The following ARHGEF19 variants were observed in gnomAD, a reference collection of about 807,000 sequenced individuals.
ARHGEF19 encodes the protein Rho guanine nucleotide exchange factor (GEF) 19.
A neutral mutation model predicts 87.6 loss-of-function variants in ARHGEF19; 92 were observed. That is an observed-to-expected ratio of 1.05 (90% confidence interval 0.89 to 1.25). The LOEUF is 1.25. ARHGEF19 is among the 50% of genes most tolerant of loss of function. The probability of loss-of-function intolerance (pLI) is 0.00; values close to 1 mark genes in which losing one functional copy is unlikely to be tolerated. For synonymous variants in ARHGEF19, 438 were observed against 446.2 expected (o/e 0.98, Z 0.23); for missense variants, 1,054 against 1,051.8 (o/e 1.00, Z -0.03).
Position 16,209,102 on chromosome 1 carries a change from C to T in ARHGEF19, c.-29-19G>A, listed in dbSNP as rs769146608. The stretch of plus-strand genomic sequence containing the variant: ...CCTGGCCCTGCAGAAGAGAAGATAT[C>T]AGACCTAGACAGAGGACAGTGGGGC... On this transcript the variant is annotated intron_variant, in intron 1 of 15. Transcript: ENST00000270747. 7.1e-7 allele frequency: 1 copy of T among 1,407,320 alleles called. No homozygotes were observed. Among genetic ancestry groups the T allele is most frequent in the Non-Finnish European group, 9.2e-7 (1 of 1,083,058 alleles). 87.2% of individuals were successfully genotyped at this position (1,407,320 alleles called of 1,614,324 possible). A position where few individuals can be genotyped will look rare whatever the true frequency, so the allele number is the denominator to read the frequency against.
At position 16,208,864 on chromosome 1, in the gene ARHGEF19, C is replaced by T. The variant is rs763288455; in HGVS notation, c.191G>A (p.Arg64His). 46 of 1,604,152 alleles carry T rather than the reference C, an allele frequency of 2.9e-5. No homozygotes were observed. Among genetic ancestry groups the T allele is most frequent in the Middle Eastern group, 3.3e-4 (2 of 6,026 alleles). The change falls in exon 2 of 16, where the codon CGC becomes CAC. Residue 64 changes from arginine to histidine, a missense_variant. Arg to His is a conservative substitution (Grantham distance 29). Transcript: ENST00000270747. ...AGGGGCAGGGGTCCCCAGGGACCAG[C>T]GGCTGCCAGGAGCCCGAAGCTCCTC... ...APEELRAPGS[R>H]WSLGTPAPLQ...
At chr1:16,209,200 A>T (rs2081175664) in intron 1 of ARHGEF19, 117 bp from the exon 2 acceptor site, 1 of 611,012 alleles carries the variant, frequency 1.6e-6, no homozygotes, top group Non-Finnish European at 2.5e-6. Flanking sequence ...ATCTCCACAA[A>T]CACACTCACA....
At chr1:16,201,696 CCAGCAA>C in intron 14 of ARHGEF19, 80 bp downstream of exon 14, 2 of 1,445,824 alleles carry the variant, frequency 1.4e-6, no homozygotes, top group Non-Finnish European at 1.9e-6. Context: ...CATAGCCCTG[CCAGCAA>C]CACAGCACCC....
intron 14 of ARHGEF19, among the ~76,000 whole-genome samples, chr1:16,200,635 T>C (rs1488998552): frequency 6.6e-6 from 1 of 152,132 alleles, no homozygotes; most frequent in Non-Finnish European, 1.5e-5. Context: ...TCCCAGCTAC[T>C]TGGGAGGCTG....
At position 16,205,671 on chromosome 1, in the gene ARHGEF19, G is replaced by A. The variant is rs2081124666; in HGVS notation, c.1452-4C>T. ...AGGGAACCTGGGGTTCTCCAGGCTG[G>A]AAAATGGGGAGGACTCTGGAATCAC... On this transcript the variant is annotated splice_region_variant and splice_polypyrimidine_tract_variant and intron_variant, in intron 8 of 15. Coordinates refer to ENST00000270747, the MANE Select transcript of ARHGEF19 (RefSeq NM_153213.5). This position sits in a 1 kb window ranked among gnomAD's most constrained non-coding sequence, Gnocchi z 5.8. 1 of 1,603,832 alleles carries A rather than the reference G, an allele frequency of 6.2e-7. No individual in the cohort carries two copies. The highest frequency in any genetic ancestry group is 8.5e-7 in the Non-Finnish European group (1 of 1,176,212).
chr1:16,201,785 C>T lies in ARHGEF19; in HGVS notation c.2143G>A (p.Glu715Lys). 6.2e-7 allele frequency: 1 copy of T among 1,613,586 alleles called. No homozygotes were observed. Residue 715 changes from glutamate to lysine, a missense_variant, in exon 14 of 16, where the codon GAA becomes AAA. Transcript: ENST00000270747. ...QEDKEVISEG[E>K]DCPQVQCVRT... Reference sequence around the variant, plus strand: ...AGCAGCAGGGATGAGCTACTACCTTCCCCCTCACTGATGACCTCCTTGTCC... The same window carrying T: ...AGCAGCAGGGATGAGCTACTACCTTTCCCCTCACTGATGACCTCCTTGTCC...
Position 16,208,676 on chromosome 1 carries a change from G to C in ARHGEF19, c.379C>G (p.Arg127Gly). The stretch of plus-strand genomic sequence containing the variant: ...TTCTTCTCCGAGCCGTGGCTGGCCC[G>C]GCGCTGTGGCTGTGTGTGTCGGGGA... Reference protein sequence around the residue: ...WSPRHTQPQRRASHGSEKKSA... With the variant: ...WSPRHTQPQRGASHGSEKKSA... The change falls in exon 2 of 16, where the codon CGG becomes GGG. Residue 127 changes from arginine to glycine, a missense_variant. Arg to Gly is a moderately radical substitution (Grantham distance 125). Coordinates refer to ENST00000270747, the MANE Select transcript of ARHGEF19 (RefSeq NM_153213.5). 4 of 1,606,842 alleles carry C rather than the reference G, an allele frequency of 2.5e-6. No homozygotes were observed. Among genetic ancestry groups the C allele is most frequent in the Non-Finnish European group, 3.4e-6 (4 of 1,177,816 alleles).
At position 16,204,876 on chromosome 1, in the gene ARHGEF19, C is replaced by G. The variant is rs1307079918; in HGVS notation, c.1790G>C (p.Gly597Ala). The change falls in exon 12 of 16, where the codon GGA becomes GCA. Residue 597 changes from glycine to alanine, a missense_variant. Gly to Ala is a moderately conservative substitution (Grantham distance 60, BLOSUM62 0). Coordinates refer to ENST00000270747, the MANE Select transcript of ARHGEF19 (RefSeq NM_153213.5). ...CAGTGGTGCCAGCTCTACCAACTCT[C>G]CATGCCGAACCAGCCAGCGGGCCTG... ...ISQARWLVRHGELVELAPLPA... is the reference protein window; with the variant it reads ...ISQARWLVRHAELVELAPLPA... 20 of 1,602,884 alleles carry G rather than the reference C, an allele frequency of 1.2e-5. No homozygotes were observed. Among genetic ancestry groups the G allele is most frequent in the Non-Finnish European group, 1.7e-5 (20 of 1,174,992 alleles).
At position 16,208,602 on chromosome 1, in the gene ARHGEF19, C is replaced by G. The variant is rs2081167529; in HGVS notation, c.412+41G>C. 1.9e-6 allele frequency: 3 copies of G among 1,553,664 alleles called. No individual in the cohort carries two copies. The African/African-American group carries it at 4.1e-5, about 21-fold the overall frequency. On this transcript the variant is annotated intron_variant, in intron 2 of 15. Transcript: ENST00000270747. ...GCTGCCCAGCCCCTCCCCTATCCCC[C>G]TGCCATGGCACCCACACCCGCCTTC...
At chr1:16,211,948 C>G (rs951910855) in intron 1 of ARHGEF19, among the ~76,000 whole-genome samples, 1 of 152,238 alleles carries the variant, frequency 6.6e-6, no homozygotes. Context: ...AGTGTTGACA[C>G]TGACCAGCTG....
intron 12 of ARHGEF19, 73 bp downstream of exon 12, chr1:16,204,686 C>T: frequency 6.7e-7 from 1 of 1,494,266 alleles, no homozygotes; most frequent in Non-Finnish European, 8.9e-7. Context: ...ATGGACTGGT[C>T]ATAAGCCCAG....
At chr1:16,209,603 C>A (rs960340125) in intron 1 of ARHGEF19, among the ~76,000 whole-genome samples, 9 of 152,348 alleles carry the variant, frequency 5.9e-5, no homozygotes, top group African/African-American at 1.7e-4. Flanking sequence ...CTCAGGCTCA[C>A]ACAGTCACAG....
Position 16,208,660 on chromosome 1 carries a change from G to C in ARHGEF19, c.395C>G (p.Ser132Trp), listed in dbSNP as rs759238415. 14 of 1,604,342 alleles carry C rather than the reference G, an allele frequency of 8.7e-6. No homozygotes were observed. The highest frequency in any genetic ancestry group is 1.0e-5 in the Non-Finnish European group (12 of 1,177,070). Residue 132 changes from serine (S) to tryptophan (W), a missense_variant, in exon 2 of 16, where the codon TCG becomes TGG. Ser to Trp is a radical substitution (Grantham distance 177, BLOSUM62 -3). Transcript: ENST00000270747. ...TGACTCACAGGCAGACTTCTTCTCCGAGCCGTGGCTGGCCCGGCGCTGTGG... is the reference window on the plus strand; with the variant it reads ...TGACTCACAGGCAGACTTCTTCTCCCAGCCGTGGCTGGCCCGGCGCTGTGG... ...TQPQRRASHG[S>W]EKKSAWRKMR...
At position 16,206,438 on chromosome 1, in the gene ARHGEF19, C is replaced by A. The variant is rs1316001359; in HGVS notation, c.1138-98G>T. On this transcript the variant is annotated intron_variant, in intron 6 of 15. Coordinates refer to ENST00000270747, the MANE Select transcript of ARHGEF19 (RefSeq NM_153213.5). The surrounding 1 kb of genome is among the most constrained non-coding windows in gnomAD (Gnocchi z 4.6). ...GACCCCAGGACGCCACACCTCGCGT[C>A]CTCGCCCCTTCTCTAGCCCCACTCC... is the stretch of plus-strand genomic sequence containing the variant. 15 of 1,370,048 alleles carry A rather than the reference C, an allele frequency of 1.1e-5. No individual in the cohort carries two copies. The highest frequency in any genetic ancestry group is 1.3e-5 in the Non-Finnish European group (13 of 984,144). The allele number at this position is 1,370,048 out of a possible 1,614,324, so 84.9% of individuals were successfully genotyped here.
chr1:16,202,703 G>C (rs946313396), intron 12 of ARHGEF19, 129 bp from the exon 13 acceptor site: 26 of 1,231,016 alleles, frequency 2.1e-5, no homozygotes, highest in Admixed American at 1.5e-4. Context: ...GTTCTCACAG[G>C]GTCCTGCTTC....
Position 16,207,943 on chromosome 1 carries a change from C to A in ARHGEF19, c.694+1G>T. 6.2e-7 allele frequency: 1 copy of A among 1,604,102 alleles called. No homozygotes were observed. Among genetic ancestry groups the A allele is most frequent in the East Asian group, 2.2e-5 (1 of 44,544 alleles). On this transcript the variant is annotated splice_donor_variant, in intron 3 of 15. Coordinates refer to ENST00000270747, the MANE Select transcript of ARHGEF19 (RefSeq NM_153213.5). LOFTEE classifies it high-confidence loss of function. This position sits in a 1 kb window ranked among gnomAD's most constrained non-coding sequence, Gnocchi z 4.0. Reference sequence around the variant, plus strand: ...TCAGGGCCCATGGGAGGAGCTGGTACCTTCCCGGGCTGCTCCGGTGCCTGA... The same window carrying A: ...TCAGGGCCCATGGGAGGAGCTGGTAACTTCCCGGGCTGCTCCGGTGCCTGA...
Position 16,207,778 on chromosome 1 carries a change from C to T in ARHGEF19, c.695-1G>A, listed in dbSNP as rs2081158690. 1 of 1,613,640 alleles carries T rather than the reference C, an allele frequency of 6.2e-7. No homozygotes were observed. Among genetic ancestry groups the T allele is most frequent in the East Asian group, 2.2e-5 (1 of 44,874 alleles). ...CGAGCCTCCATTCCAGATGCTTTCCCTGGAGAGGGCGAGAACTGAGGGTGG... is the reference window on the plus strand; with the variant it reads ...CGAGCCTCCATTCCAGATGCTTTCCTTGGAGAGGGCGAGAACTGAGGGTGG... On this transcript the variant is annotated splice_acceptor_variant, in intron 3 of 15. Transcript: ENST00000270747. LOFTEE classifies it high-confidence loss of function. The surrounding 1 kb of genome is among the most constrained non-coding windows in gnomAD (Gnocchi z 4.0).
Position 16,207,113 on chromosome 1 carries a change from T to A in ARHGEF19, c.972A>T (p.Ala324=). The A allele has an allele frequency of 6.6e-7, 1 of 1,516,426 alleles. No homozygotes were observed. 93.9% of individuals were successfully genotyped at this position (1,516,426 alleles called of 1,614,324 possible). ...EEGPGDEAEG[A]EEGPGPPRAN... ...CCCGCGGCGGCCCCGGCCCCTCCTC[T>A]GCGCCCTCGGCCTCGTCCCCCGGGC... Residue 324 remains alanine, a synonymous_variant, in exon 6 of 16, where the codon GCA becomes GCT. Transcript: ENST00000270747. This position sits in a 1 kb window ranked among gnomAD's most constrained non-coding sequence, Gnocchi z 4.0.
In ARHGEF19 at chr1:16,198,824, G is replaced by A; in HGVS notation, c.2252-80C>T. 6.7e-7 allele frequency: 1 copy of A among 1,499,624 alleles called. No individual in the cohort carries two copies. The highest frequency in any genetic ancestry group is 8.9e-7 in the Non-Finnish European group (1 of 1,119,184). 92.9% of individuals were successfully genotyped at this position (1,499,624 alleles called of 1,614,324 possible). ...TGGAAGGGAACACCACAGCCCTGAT[G>A]CAAGCTTTGTCTGCACCCTTGGGGC... On this transcript the variant is annotated intron_variant, in intron 15 of 15. Transcript: ENST00000270747. This position sits in a 1 kb window ranked among gnomAD's most constrained non-coding sequence, Gnocchi z 4.1.
Sources: allele counts gnomAD v4.1 joint callset (sites outside exome capture counted in the v4.1 genomes callset), GRCh38; gene constraint gnomAD v4.1.1; non-coding constraint Gnocchi (gnomAD v3.1); transcripts MANE v1.5; gene names NCBI Gene and HGNC (gene_info 2026-07-23, HGNC 2026-07-21).